The following PJA2 variants were observed in gnomAD, a reference collection of about 807,000 sequenced individuals.
PJA2 encodes the protein E3 ubiquitin-protein ligase Praja-2.
A neutral mutation model predicts 69.3 loss-of-function variants in PJA2; 25 were observed. The observed-to-expected ratio is 0.36, with a 90% CI of 0.26 to 0.50. The LOEUF (loss-of-function observed/expected upper bound fraction) is 0.50. PJA2 is among the 20% of genes least tolerant of loss of function. PJA2 has a pLI of 0.96. For synonymous variants in PJA2, 308 were observed against 277.8 expected, an observed-to-expected ratio of 1.11 and a Z score of -1.08; for missense variants, 809 against 830.2, an observed-to-expected ratio of 0.97 and a Z score of 0.31.
intron 1 of PJA2, among the ~76,000 whole-genome samples, chr5:109,396,422 CTTTT>C (rs35744917): frequency 2.3e-5 from 2 of 85,264 alleles, no homozygotes. Context: ...ATGTAAAGTT[CTTTT>C]TTTTTTTTTT....
At chr5:109,348,354 C>G (rs115525276) in intron 7 of PJA2, among the ~76,000 whole-genome samples, 1 of 152,142 alleles carries the variant, frequency 6.6e-6, no homozygotes, top group Non-Finnish European at 1.5e-5. Context: ...AAAAATCAAA[C>G]GCAAAATGTA....
chr5:109,372,824 G>C (rs908130098), intron 4 of PJA2, among the ~76,000 whole-genome samples: 2 of 147,068 alleles, frequency 1.4e-5, no homozygotes, highest in South Asian at 2.1e-4. Flanking sequence ...AGAATCGCTT[G>C]AACCTGGGAG....
At chr5:109,342,522 T>TG (rs751889054) in intron 9 of PJA2, among the ~76,000 whole-genome samples, 5,002 of 52,044 alleles carry the variant, frequency 0.096, 453 homozygotes, top group African/African-American at 0.25. Flanking sequence ...GGGAGGGAGG[T>TG]GGGGGGGGTC....
chr5:109,382,181 C>T (rs867324352), intron 2 of PJA2, among the ~76,000 whole-genome samples: 1 of 152,252 alleles, frequency 6.6e-6, no homozygotes, highest in South Asian at 2.1e-4. Context: ...CAAGTAACCT[C>T]TTTAAATGGT....
intron 7 of PJA2, among the ~76,000 whole-genome samples, chr5:109,345,726 G>A (rs1049635200): frequency 1.3e-5 from 2 of 152,146 alleles, no homozygotes; most frequent in African/African-American, 4.8e-5. Flanking sequence ...AGCAAATAAT[G>A]CACTCCTGAA....
At chr5:109,406,197 C>T (rs909669338) in intron 1 of PJA2, among the ~76,000 whole-genome samples, 5 of 152,084 alleles carry the variant, frequency 3.3e-5, no homozygotes, top group Non-Finnish European at 7.4e-5. Context: ...TCCGCCACCA[C>T]GCCCGGCTAA....
chr5:109,345,073 T>C (rs867639738), intron 7 of PJA2, among the ~76,000 whole-genome samples: 104 of 150,840 alleles, frequency 6.9e-4, no homozygotes, highest in African/African-American at 2.4e-3. Context: ...CCGGGCGCAA[T>C]GGCTCATGCC....
Position 109,378,901 on chromosome 5 carries a change from A to T in PJA2, c.586T>A (p.Ser196Thr). Residue 196 changes from serine (S) to threonine (T), a missense_variant, in exon 4 of 10, where the codon TCA (serine) becomes ACA (threonine). By Grantham distance (58) the Ser-to-Thr change is moderately conservative. Around this residue, in one of 4 missense-constraint regions of PJA2, gnomAD observed 700 missense variants for 639.5 expected, o/e 1.09. Transcript: ENST00000361189. ...AACTCAAATACTGTATTGCCTAATG[A>T]TTCCTGGTATCTACTACCTTCCACG... is the stretch of plus-strand genomic sequence containing the variant. ...EVVEGSRYQE[S>T]LGNTVFELEN... 1.2e-6 allele frequency: 2 copies of T among 1,614,120 alleles called. No homozygotes were observed. The highest frequency in any genetic ancestry group is 1.7e-6 in the Non-Finnish European group (2 of 1,180,012).
chr5:109,344,117 A>G, intron 9 of PJA2, 73 bp downstream of exon 9: 2 of 965,034 alleles, frequency 2.1e-6, no homozygotes, highest in South Asian at 2.4e-5. Flanking sequence ...AAAAAAAAAA[A>G]AAAGATACTA....
chr5:109,338,171 G>C (rs1338601971), intron 9 of PJA2, among the ~76,000 whole-genome samples: 1 of 152,012 alleles, frequency 6.6e-6, no homozygotes, highest in South Asian at 2.1e-4. Flanking sequence ...TCATGCTGTC[G>C]AAGGCAACAA....
intron 7 of PJA2, among the ~76,000 whole-genome samples, chr5:109,351,156 A>C (rs1376779125): frequency 6.6e-6 from 1 of 151,618 alleles, no homozygotes; most frequent in Admixed American, 6.6e-5. Flanking sequence ...AAGAATATCT[A>C]GACAAGTTGA....
intron 4 of PJA2, among the ~76,000 whole-genome samples, chr5:109,370,808 G>A (rs1347796846): frequency 6.6e-6 from 1 of 152,012 alleles, no homozygotes; most frequent in African/African-American, 2.4e-5. Flanking sequence ...ATATAAATTT[G>A]TGGCAATTCT....
rs1466213887 is a variant in PJA2 at position 109,387,040 on chromosome 5, C to G, written c.-87-3520G>C. Among the ~76,000 whole-genome samples, 4 of 152,112 alleles carry G rather than the reference C, an allele frequency of 2.6e-5. No individual in the cohort carries two copies. In the East Asian group the frequency reaches 7.7e-4, roughly 29 times the overall value. Reference sequence around the variant, plus strand: ...CTCACTACTTTTTCTTTATTTGGCCCAAATGGGTTAATCATTTGTCTCTAA... The same window carrying G: ...CTCACTACTTTTTCTTTATTTGGCCGAAATGGGTTAATCATTTGTCTCTAA... On this transcript the variant is annotated intron_variant, in intron 1 of 9. Coordinates refer to ENST00000361189, the MANE Select transcript of PJA2 (RefSeq NM_014819.5).
chr5:109,397,358 T>G lies in PJA2; in HGVS notation c.-88+12484A>C, dbSNP rs116117893. 5.9e-3 allele frequency among the ~76,000 whole-genome samples: 898 copies of G among 152,282 alleles called. 7 individuals are homozygous for G. The highest frequency in any genetic ancestry group is 9.0e-3 in the Non-Finnish European group (611 of 68,012). On this transcript the variant is annotated intron_variant, in intron 1 of 9. Transcript: ENST00000361189. ...AGTAAACAGCTATAAAAAGTTAATT[T>G]TAGAAATGCACCACTTGTAGGAGTT... is the stretch of plus-strand genomic sequence containing the variant.
intron 1 of PJA2, among the ~76,000 whole-genome samples, chr5:109,404,592 G>A (rs958447513): frequency 6.6e-6 from 1 of 152,100 alleles, no homozygotes; most frequent in Non-Finnish European, 1.5e-5. Context: ...TCAAGGTGCT[G>A]GTAGATTCAG....
rs1055544554 is a variant in PJA2, at chr5:109,409,954, T to TGTGGCG, written c.-206_-201dup. On this transcript the variant is annotated 5_prime_UTR_variant, in exon 1 of 10. Transcript: ENST00000361189. ...CGCCGAACGCGAAGCGGCTGGCGGCTGTGGCGGCGGCGGCGGCGGTGGCGG... is the reference window on the plus strand; with the variant it reads ...CGCCGAACGCGAAGCGGCTGGCGGCTGTGGCGGTGGCGGCGGCGGCGGCGGTGGCGG... The TGTGGCG allele has an allele frequency of 4.7e-6, 1 of 211,104 alleles. No homozygotes were observed. Among genetic ancestry groups the TGTGGCG allele is most frequent in the African/African-American group, 2.4e-5 (1 of 41,726 alleles). The allele number at this position is 211,104 out of a possible 1,614,324, so 13.1% of individuals were successfully genotyped here.
At chr5:109,379,493 T>C (rs1216859689) in intron 3 of PJA2, among the ~76,000 whole-genome samples, 1 of 152,200 alleles carries the variant, frequency 6.6e-6, no homozygotes, top group African/African-American at 2.4e-5. Context: ...TTGGCAGTTT[T>C]CTATCTAAAT....
At chr5:109,353,014 A>C (rs528455918) in intron 7 of PJA2, among the ~76,000 whole-genome samples, 4 of 124,484 alleles carry the variant, frequency 3.2e-5, no homozygotes, top group African/African-American at 1.2e-4. Context: ...TTAGATACCT[A>C]TATCTATAGA....
In PJA2 at chr5:109,378,372, T is replaced by A. The variant is rs755382537; in HGVS notation, c.1115A>T (p.Asp372Val). 6.2e-7 allele frequency: 1 copy of A among 1,614,206 alleles called. No individual in the cohort carries two copies. The part of the protein sequence containing the change: ...IKCEEYDGEH[D>V]CMFLDPPYSR... Reference sequence around the variant, plus strand: ...GTATGGTGGATCCAAGAACATACAGTCATGCTCTCCATCATATTCTTCACA... The same window carrying A: ...GTATGGTGGATCCAAGAACATACAGACATGCTCTCCATCATATTCTTCACA... Residue 372 changes from aspartate to valine, a missense_variant, in exon 4 of 10, where the codon GAC (aspartate) becomes GTC (valine). This residue lies in a region of PJA2 where 700 missense variants were observed against 639.5 expected (regional missense o/e 1.09). Coordinates refer to ENST00000361189, the MANE Select transcript of PJA2 (RefSeq NM_014819.5).
Sources: gnomAD v4.1 joint callset for allele counts (sites outside exome capture counted in the v4.1 genomes callset) on GRCh38, gnomAD v4.1.1 for gene constraint, gnomAD v4.1.1 regional missense constraint, MANE v1.5 for transcripts, NCBI Gene and HGNC (gene_info 2026-07-23, HGNC 2026-07-21) for gene names.